The following LHFPL6 variants were observed in gnomAD, a reference collection of about 807,000 sequenced individuals.
LHFPL6 encodes the protein LHFPL tetraspan subfamily member 6 protein.
Under a neutral mutation model 20.6 loss-of-function variants are expected in LHFPL6, and 9 were observed. That is an observed-to-expected ratio of 0.44 (90% CI 0.26 to 0.76). The LOEUF is 0.76. LHFPL6 is among the 30% of genes least tolerant of loss of function. The pLI is 0.20. For synonymous variants in LHFPL6, 105 were observed against 98.7 expected (o/e 1.06, Z -0.38); for missense variants, 218 against 253.5 (o/e 0.86, Z 0.95).
At chr13:39,461,051 A>G (rs1872676732) in intron 2 of LHFPL6, among the ~76,000 whole-genome samples, 1 of 152,086 alleles carries the variant, frequency 6.6e-6, no homozygotes, top group African/African-American at 2.4e-5. Flanking sequence ...TGTTTACTCA[A>G]TGTTTAGCTC....
intron 2 of LHFPL6, among the ~76,000 whole-genome samples, chr13:39,387,646 A>G (rs1452193281): frequency 6.6e-6 from 1 of 151,808 alleles, no homozygotes; most frequent in African/African-American, 2.4e-5. Context: ...TCATAAATCT[A>G]CTCAAGTGGT....
intron 2 of LHFPL6, among the ~76,000 whole-genome samples, chr13:39,563,042 T>C (rs888557379): frequency 2.7e-5 from 4 of 149,568 alleles, no homozygotes; most frequent in Non-Finnish European, 5.9e-5. Flanking sequence ...TAGTAATTTG[T>C]TTAAATTCCT....
intron 2 of LHFPL6, among the ~76,000 whole-genome samples, chr13:39,562,433 T>TATATACAC (rs1871530436): frequency 1.2e-5 from 1 of 86,276 alleles, no homozygotes; most frequent in Non-Finnish European, 2.9e-5. Context: ...CATATATACA[T>TATATACAC]ATATACATAT....
At chr13:39,430,621 T>C (rs1321360277) in intron 2 of LHFPL6, among the ~76,000 whole-genome samples, 2 of 152,218 alleles carry the variant, frequency 1.3e-5, no homozygotes, top group Non-Finnish European at 2.9e-5. Context: ...AACTTTTCTG[T>C]CTAGCTAAAG....
At chr13:39,460,825 T>C (rs1388148850) in intron 2 of LHFPL6, among the ~76,000 whole-genome samples, 1 of 152,172 alleles carries the variant, frequency 6.6e-6, no homozygotes, top group Non-Finnish European at 1.5e-5. Flanking sequence ...TGTTTTTTTC[T>C]TTTTTTCCTT....
At chr13:39,574,298 T>A (rs111846174) in intron 2 of LHFPL6, among the ~76,000 whole-genome samples, 4 of 151,936 alleles carry the variant, frequency 2.6e-5, no homozygotes, top group Non-Finnish European at 1.5e-5. Flanking sequence ...CTGGCTAACA[T>A]GGTGAAACCC....
chr13:39,400,347 C>G (rs988808054), intron 2 of LHFPL6, among the ~76,000 whole-genome samples: 2 of 152,184 alleles, frequency 1.3e-5, no homozygotes, highest in Non-Finnish European at 2.9e-5. Context: ...ATACAAGCCC[C>G]ATTTTCCATG....
intron 2 of LHFPL6, among the ~76,000 whole-genome samples, chr13:39,420,964 C>T (rs746288764): frequency 6.6e-6 from 1 of 150,976 alleles, no homozygotes; most frequent in African/African-American, 2.4e-5. Flanking sequence ...CTGTGTTTTT[C>T]CCCCCCCTCA....
At chr13:39,350,292 C>A (rs896841829) in intron 3 of LHFPL6, among the ~76,000 whole-genome samples, 44 of 152,242 alleles carry the variant, frequency 2.9e-4, no homozygotes, top group African/African-American at 1.0e-3. Flanking sequence ...ATCCAGAATT[C>A]TGTGAGAGAT....
chr13:39,484,718 C>T (rs187987588), intron 2 of LHFPL6, among the ~76,000 whole-genome samples: 188 of 152,314 alleles, frequency 1.2e-3, no homozygotes, highest in African/African-American at 4.2e-3. Context: ...ACCTCATCTA[C>T]ATTTGTAATA....
intron 2 of LHFPL6, among the ~76,000 whole-genome samples, chr13:39,381,559 G>A (rs1160697778): frequency 1.3e-5 from 2 of 151,972 alleles, no homozygotes; most frequent in Non-Finnish European, 2.9e-5. Flanking sequence ...AACCAGGCTG[G>A]AACCCCATGG....
chr13:39,392,652 A>G (rs1870739885), intron 2 of LHFPL6, among the ~76,000 whole-genome samples: 1 of 152,088 alleles, frequency 6.6e-6, no homozygotes, highest in Non-Finnish European at 1.5e-5. Flanking sequence ...ACATTATAGA[A>G]CTAGCAGAAG....
chr13:39,350,688 G>A (rs1030775636), intron 3 of LHFPL6, among the ~76,000 whole-genome samples: 3 of 152,162 alleles, frequency 2.0e-5, no homozygotes, highest in East Asian at 3.8e-4. Flanking sequence ...CATCAAACAG[G>A]ACTCCAAGCT....
At chr13:39,390,663 G>A (rs1330671544) in intron 2 of LHFPL6, among the ~76,000 whole-genome samples, 2 of 152,084 alleles carry the variant, frequency 1.3e-5, no homozygotes, top group East Asian at 3.9e-4. Context: ...ACAACTGTAC[G>A]TGTACTCCTA....
At chr13:39,478,234 C>A (rs1873131502) in intron 2 of LHFPL6, among the ~76,000 whole-genome samples, 1 of 151,970 alleles carries the variant, frequency 6.6e-6, no homozygotes, top group Non-Finnish European at 1.5e-5. Context: ...GAAGCTATGA[C>A]AAGTGATATC....
intron 2 of LHFPL6, among the ~76,000 whole-genome samples, chr13:39,540,532 T>C (rs1870764881): frequency 6.6e-6 from 1 of 152,176 alleles, no homozygotes; most frequent in Non-Finnish European, 1.5e-5. Flanking sequence ...GGGAAATTTA[T>C]CTCTCCTCTA....
chr13:39,553,590 T>C (rs181363285), intron 2 of LHFPL6, among the ~76,000 whole-genome samples: 1 of 152,212 alleles, frequency 6.6e-6, no homozygotes, highest in East Asian at 2.0e-4. Flanking sequence ...TGGTGGTCTG[T>C]GCCTGTAGTC....
chr13:39,371,435 A>G (rs951126034), intron 3 of LHFPL6, among the ~76,000 whole-genome samples: 3 of 152,262 alleles, frequency 2.0e-5, no homozygotes, highest in Non-Finnish European at 4.4e-5. Flanking sequence ...AAAAGGAAGA[A>G]TAAAGATTGA....
intron 2 of LHFPL6, among the ~76,000 whole-genome samples, chr13:39,414,992 C>T (rs924990186): frequency 1.3e-5 from 2 of 152,186 alleles, no homozygotes; most frequent in African/African-American, 4.8e-5. Context: ...TTCCTAAACA[C>T]ACAATGAAAA....
Sources: gnomAD v4.1 joint callset for allele counts (sites outside exome capture counted in the v4.1 genomes callset) on GRCh38, gnomAD v4.1.1 for gene constraint, MANE v1.5 for transcripts, NCBI Gene and HGNC (gene_info 2026-07-23, HGNC 2026-07-21) for gene names.